MYOZ3: variants seen among roughly 807,000 people sequenced by gnomAD.
The protein encoded by MYOZ3 is myozenin-3.
In MYOZ3, 19 loss-of-function variants were observed where a neutral mutation model predicts 26.5. The observed-to-expected ratio is 0.72, with a 90% CI of 0.50 to 1.05. MYOZ3 has a LOEUF of 1.05. Ranked by LOEUF, MYOZ3 falls within the 50% of genes least tolerant of loss-of-function variation. The probability of loss-of-function intolerance (pLI) is 0.00; values close to 1 mark genes in which losing one functional copy is unlikely to be tolerated. For missense variants in MYOZ3, 322 were observed against 337.1 expected (o/e 0.96, Z 0.35); for synonymous variants, 135 against 138.8 (o/e 0.97, Z 0.19).
At chr5:150,666,630 AATAT>A (rs1554113785) in intron 2 of MYOZ3, among the ~76,000 whole-genome samples, 222 of 123,048 alleles carry the variant, frequency 1.8e-3, no homozygotes, top group African/African-American at 6.7e-3. Flanking sequence ...AAAAAAAAAA[AATAT>A]ATATATATAT....
At chr5:150,672,609 T>C in intron 6 of MYOZ3, 107 bp downstream of exon 6, 2 of 1,323,732 alleles carry the variant, frequency 1.5e-6, no homozygotes, top group Non-Finnish European at 2.0e-6. Context: ...GGCCAGGCTC[T>C]GTCCCCAGCG....
chr5:150,665,170 C>T (rs1170168028), intron 2 of MYOZ3, among the ~76,000 whole-genome samples: 1 of 152,148 alleles, frequency 6.6e-6, no homozygotes, highest in East Asian at 1.9e-4. Flanking sequence ...TCCTTCGGGG[C>T]AGAACAGAGG....
At chr5:150,676,022 A>G (rs59880205) in intron 6 of MYOZ3, among the ~76,000 whole-genome samples, 13,432 of 152,202 alleles carry the variant, frequency 0.088, 1,843 homozygotes, top group African/African-American at 0.29. Flanking sequence ...GAAATGGCAT[A>G]TCTGTTGTAA....
In MYOZ3 at chr5:150,665,811, G is replaced by A. The variant is rs1366274390; in HGVS notation, c.61+2809G>A. 4.0e-5 allele frequency among the ~76,000 whole-genome samples: 6 copies of A among 151,718 alleles called. No individual in the cohort carries two copies. In the South Asian group the frequency reaches 8.3e-4, roughly 21 times the overall value. On this transcript the variant is annotated intron_variant, in intron 2 of 6. Coordinates refer to ENST00000517768, the MANE Select transcript of MYOZ3 (RefSeq NM_001122853.3). ...AGCACTTTGGGAGACTGAGGCAAGC[G>A]GATGACCTGAGGTTGGGAGCTCGAG...
At position 150,671,629 on chromosome 5, in the gene MYOZ3, TG is replaced by T. The variant is rs752883788; in HGVS notation, c.251del (p.Gly84GlufsTer64). On this transcript the variant is annotated frameshift_variant, in exon 4 of 7. Transcript: ENST00000517768. LOFTEE classifies it high-confidence loss of function. Reference sequence around the variant, plus strand: ...CCGGAAGCGCCAGGAGGAAGGTGACTGGAACAGCGGAGTCGGGGACGGTGAG... The same window carrying T: ...CCGGAAGCGCCAGGAGGAAGGTGACTGAACAGCGGAGTCGGGGACGGTGAG... ...LAGSARRKVT[G>X]TAESGTVANA... 22 of 1,613,460 alleles carry T rather than the reference TG, an allele frequency of 1.4e-5. No individual in the cohort carries two copies. Among genetic ancestry groups the T allele is most frequent in the Non-Finnish European group, 1.9e-5 (22 of 1,179,820 alleles).
In MYOZ3 at chr5:150,676,739, G is replaced by C; in HGVS notation, c.620G>C (p.Gly207Ala). The C allele has an allele frequency of 6.2e-7, 1 of 1,613,938 alleles. No individual in the cohort carries two copies. Among genetic ancestry groups the C allele is most frequent in the Non-Finnish European group, 8.5e-7 (1 of 1,179,996 alleles). ...TPVPFGGPLV[G>A]GTFPRPGTPF... Reference sequence around the variant, plus strand: ...GTGCCATTTGGAGGACCCCTCGTGGGGGGCACTTTTCCCAGGCCAGGCACC... The same window carrying C: ...GTGCCATTTGGAGGACCCCTCGTGGCGGGCACTTTTCCCAGGCCAGGCACC... Residue 207 changes from glycine to alanine, a missense_variant, in exon 7 of 7, where the codon GGG (glycine) becomes GCG (alanine). Coordinates refer to ENST00000517768, the MANE Select transcript of MYOZ3 (RefSeq NM_001122853.3).
At chr5:150,663,105 G>C (rs542748694) in intron 2 of MYOZ3, 103 bp downstream of exon 2, 1 of 963,180 alleles carries the variant, frequency 1.0e-6, no homozygotes, top group South Asian at 1.7e-5. Flanking sequence ...GCAGACAGGT[G>C]TGAGCTCCAG....
intron 2 of MYOZ3, among the ~76,000 whole-genome samples, chr5:150,663,730 G>C (rs554233357): frequency 2.0e-5 from 3 of 152,008 alleles, no homozygotes; most frequent in Non-Finnish European, 4.4e-5. Flanking sequence ...CACAGAGGCT[G>C]ATGCCTTTAA....
intron 6 of MYOZ3, among the ~76,000 whole-genome samples, chr5:150,675,239 G>T (rs371112395): frequency 0.087 from 13,190 of 151,762 alleles, 1,790 homozygotes; most frequent in African/African-American, 0.29. Flanking sequence ...TGTGTGTGTG[G>T]GGGTGTGTGT....
chr5:150,671,797 G>C lies in MYOZ3; in HGVS notation c.313G>C (p.Glu105Gln). 6.2e-7 allele frequency: 1 copy of C among 1,613,046 alleles called. No homozygotes were observed. The highest frequency in any genetic ancestry group is 1.3e-5 in the African/African-American group (1 of 75,064). ...NGPEGPNYRS[E>Q]LHIFPASPGA... ...CCCTGAGGGGCCGAACTACCGCTCG[G>C]AGCTCCACATCTTCCCGGCCTCACC... is the stretch of plus-strand genomic sequence containing the variant. Residue 105 changes from glutamate to glutamine, a missense_variant, in exon 5 of 7, where the codon GAG becomes CAG. By Grantham distance (29) the Glu-to-Gln change is conservative. Transcript: ENST00000517768.
chr5:150,667,523 C>G (rs1054646779), intron 2 of MYOZ3, among the ~76,000 whole-genome samples: 2 of 152,194 alleles, frequency 1.3e-5, no homozygotes, highest in Non-Finnish European at 2.9e-5. Flanking sequence ...AAACCCAGCT[C>G]TCCTGTCACT....
chr5:150,673,665 G>A (rs1335388199), intron 6 of MYOZ3, among the ~76,000 whole-genome samples: 2 of 152,142 alleles, frequency 1.3e-5, no homozygotes, highest in African/African-American at 2.4e-5. Context: ...TTACAGCTGA[G>A]ATGAAGTTTG....
chr5:150,667,931 T>G (rs570435586), intron 2 of MYOZ3, among the ~76,000 whole-genome samples: 6 of 152,360 alleles, frequency 3.9e-5, no homozygotes, highest in South Asian at 4.1e-4. Flanking sequence ...ATTAGCATAC[T>G]GAACAAAATT....
chr5:150,665,367 A>G (rs1335118351), intron 2 of MYOZ3, among the ~76,000 whole-genome samples: 2 of 152,124 alleles, frequency 1.3e-5, no homozygotes, highest in Non-Finnish European at 2.9e-5. Flanking sequence ...GGCGCTGTGG[A>G]GCATCCATTC....
chr5:150,672,669 G>C, intron 6 of MYOZ3, 167 bp downstream of exon 6: 1 of 726,188 alleles, frequency 1.4e-6, no homozygotes. Flanking sequence ...TCCGCACCTG[G>C]TAGGTGCTCA....
intron 2 of MYOZ3, among the ~76,000 whole-genome samples, chr5:150,666,328 T>C (rs1758808496): frequency 6.6e-6 from 1 of 151,908 alleles, no homozygotes; most frequent in Middle Eastern, 3.4e-3. Context: ...AATATAGAAA[T>C]GGGGGCCGGG....
At position 150,670,391 on chromosome 5, in the gene MYOZ3, A is replaced by AT. The variant is rs1176771581; in HGVS notation, c.62-91dup. The stretch of plus-strand genomic sequence containing the variant: ...TCGGCAAGCTTGGTGAGAAACAGGC[A>AT]TTCTTACACACAGCATGCCATGCTT... On this transcript the variant is annotated intron_variant, in intron 2 of 6. Transcript: ENST00000517768. 5 of 1,333,136 alleles carry AT rather than the reference A, an allele frequency of 3.8e-6. No individual in the cohort carries two copies. In the African/African-American group the frequency reaches 6.0e-5, roughly 16 times the overall value. 82.6% of individuals were successfully genotyped at this position (1,333,136 alleles called of 1,614,324 possible).
At chr5:150,661,768 A>G (rs1758735762) in intron 1 of MYOZ3, among the ~76,000 whole-genome samples, 1 of 152,240 alleles carries the variant, frequency 6.6e-6, no homozygotes, top group Non-Finnish European at 1.5e-5. Flanking sequence ...GTGTTTATCA[A>G]GAAACAGATC....
chr5:150,673,688 C>T (rs183968695), intron 6 of MYOZ3, among the ~76,000 whole-genome samples: 138 of 152,242 alleles, frequency 9.1e-4, no homozygotes, highest in Admixed American at 5.0e-3. Flanking sequence ...CAGGGGAGAG[C>T]TTGAAAGGGA....
Sources: allele counts gnomAD v4.1 joint callset (sites outside exome capture counted in the v4.1 genomes callset), GRCh38; gene constraint gnomAD v4.1.1; transcripts MANE v1.5; gene names NCBI Gene and HGNC (gene_info 2026-07-23, HGNC 2026-07-21).